The following VPS13D variants were observed in gnomAD, a reference collection of about 807,000 sequenced individuals.
VPS13D encodes vacuolar protein sorting 13 homolog D.
Under a neutral mutation model 461.9 loss-of-function variants are expected in VPS13D, and 187 were observed. The ratio of observed to expected loss-of-function variants is 0.40; its 90% CI spans 0.36 to 0.46. VPS13D has a LOEUF of 0.46. VPS13D is among the 20% of genes least tolerant of loss of function. VPS13D has a pLI of 0.60. For synonymous variants in VPS13D, 1,951 were observed against 1,986.3 expected, an observed-to-expected ratio of 0.98 and a Z score of 0.47; for missense variants, 4,711 against 5,364.9, an observed-to-expected ratio of 0.88 and a Z score of 3.81.
intron 67 of VPS13D, among the ~76,000 whole-genome samples, chr1:12,461,797 G>A (rs1381911522): frequency 6.6e-6 from 1 of 152,180 alleles, no homozygotes; most frequent in Admixed American, 6.5e-5. Flanking sequence ...TTTTAAAGAT[G>A]ATTTTGTGCT....
At chr1:12,492,986 C>G (rs1410225101) in intron 67 of VPS13D, among the ~76,000 whole-genome samples, 1 of 150,878 alleles carries the variant, frequency 6.6e-6, no homozygotes. Flanking sequence ...ACACAAGATT[C>G]AGAACAGCGG....
At position 12,283,239 on chromosome 1, in the gene VPS13D, G is replaced by A. The variant is rs267597961; in HGVS notation, c.5137G>A (p.Val1713Met). ...KEYLSQSCPS[V>M]SNVEYPDMPR... Reference sequence around the variant, plus strand: ...ATACCTTTCTCAGTCTTGCCCCTCAGTGTCCAATGTGGAATATCCTGATAT... The same window carrying A: ...ATACCTTTCTCAGTCTTGCCCCTCAATGTCCAATGTGGAATATCCTGATAT... The change falls in exon 21 of 70, where the codon GTG becomes ATG. Residue 1713 changes from valine to methionine, a missense_variant. Around this residue, in one of 3 missense-constraint regions of VPS13D, gnomAD observed 4,411 missense variants for 4,937.8 expected, o/e 0.89. Coordinates refer to ENST00000620676, the MANE Select transcript of VPS13D (RefSeq NM_015378.4). 2.0e-5 allele frequency: 32 copies of A among 1,614,114 alleles called. No homozygotes were observed. The highest frequency in any genetic ancestry group is 2.7e-5 in the Non-Finnish European group (32 of 1,180,030).
At chr1:12,260,631 A>T in intron 10 of VPS13D, 62 bp from the exon 11 acceptor site, 1 of 1,401,560 alleles carries the variant, frequency 7.1e-7, no homozygotes. Context: ...GAGGGTGTCC[A>T]GTGTCTCTGG....
intron 2 of VPS13D, among the ~76,000 whole-genome samples, chr1:12,238,705 C>T (rs1000356708): frequency 1.3e-5 from 2 of 150,848 alleles, no homozygotes; most frequent in African/African-American, 4.9e-5. Flanking sequence ...GATCATAGCT[C>T]CCTGCAGCCT....
intron 46 of VPS13D, among the ~76,000 whole-genome samples, chr1:12,350,673 TAAAG>T: frequency 1.3e-5 from 2 of 152,230 alleles, no homozygotes; most frequent in South Asian, 4.2e-4. Flanking sequence ...AGAAGTTAGT[TAAAG>T]AACAGCAAAT....
chr1:12,402,256 A>G (rs1299247939), intron 62 of VPS13D, among the ~76,000 whole-genome samples: 1 of 152,218 alleles, frequency 6.6e-6, no homozygotes, highest in African/African-American at 2.4e-5. Context: ...AAGATAAGCT[A>G]TTGAAAAGCC....
At chr1:12,358,319 G>A in intron 49 of VPS13D, 140 bp from the exon 50 acceptor site, 2 of 1,154,808 alleles carry the variant, frequency 1.7e-6, no homozygotes, top group Non-Finnish European at 2.4e-6. Context: ...CTGTGCTAGG[G>A]AATCACATGA....
At chr1:12,249,857 A>C (rs170956) in intron 6 of VPS13D, among the ~76,000 whole-genome samples, 1 of 152,178 alleles carries the variant, frequency 6.6e-6, no homozygotes, top group East Asian at 1.9e-4. Flanking sequence ...AGTTCTCCAC[A>C]TATCAACTCA....
chr1:12,389,934 G>GTAATTC (rs1280825134), intron 60 of VPS13D, among the ~76,000 whole-genome samples: 1 of 152,224 alleles, frequency 6.6e-6, no homozygotes, highest in African/African-American at 2.4e-5. Flanking sequence ...TTGTGGAGTA[G>GTAATTC]TAGACTGATT....
At chr1:12,483,775 G>A (rs1281846080) in intron 67 of VPS13D, among the ~76,000 whole-genome samples, 4 of 151,900 alleles carry the variant, frequency 2.6e-5, no homozygotes, top group South Asian at 4.2e-4. Flanking sequence ...CGAGGTGGGC[G>A]GATCACGAGG....
intron 23 of VPS13D, 62 bp downstream of exon 23, chr1:12,291,186 T>G (rs1642122282): frequency 1.3e-6 from 2 of 1,562,914 alleles, no homozygotes; most frequent in African/African-American, 2.7e-5. Context: ...TTTCAGATTC[T>G]TGTTGGCTAG....
In VPS13D at chr1:12,260,786, C is replaced by G. The variant is rs1641083188; in HGVS notation, c.1204C>G (p.Leu402Val). ...TGATCGATTTCACAAACAGGAAGAA[C>G]TAGCAGAGGTAAGAAATCCTCTACA... The part of the protein sequence containing the change: ...VHDRFHKQEE[L>V]AESLREPQFD... The change falls in exon 11 of 70, where the codon CTA (leucine) becomes GTA (valine). Residue 402 changes from leucine (L) to valine (V), a missense_variant. By Grantham distance (32) the Leu-to-Val change is conservative. Coordinates refer to ENST00000620676, the MANE Select transcript of VPS13D (RefSeq NM_015378.4). The G allele has an allele frequency of 1.2e-6, 2 of 1,614,142 alleles. No individual in the cohort carries two copies. The highest frequency in any genetic ancestry group is 2.2e-5 in the South Asian group (2 of 91,082).
At chr1:12,292,262 C>CAAAAAAAAAAAAA (rs766212937) in intron 23 of VPS13D, among the ~76,000 whole-genome samples, 1 of 12,248 alleles carries the variant, frequency 8.2e-5, no homozygotes, top group Non-Finnish European at 1.4e-4. Flanking sequence ...AACTCCATCT[C>CAAAAAAAAAAAAA]AAAAAAAAAA....
chr1:12,331,940 TTGTG>T (rs943954670), intron 37 of VPS13D, among the ~76,000 whole-genome samples: 1 of 152,176 alleles, frequency 6.6e-6, no homozygotes, highest in Non-Finnish European at 1.5e-5. Flanking sequence ...CAGTGGCTGA[TTGTG>T]TGAGTCTATT....
intron 1 of VPS13D, among the ~76,000 whole-genome samples, chr1:12,231,948 TC>T (rs1329764317): frequency 6.6e-6 from 1 of 152,076 alleles, no homozygotes; most frequent in Admixed American, 6.6e-5. Flanking sequence ...AGATCCGAGA[TC>T]CCGTCACTGC....
chr1:12,285,074 A>G (rs989484077), intron 21 of VPS13D, among the ~76,000 whole-genome samples: 1 of 152,186 alleles, frequency 6.6e-6, no homozygotes, highest in South Asian at 2.1e-4. Context: ...TGGTTCTACA[A>G]GGGAATAGGA....
intron 35 of VPS13D, 86 bp downstream of exon 35, chr1:12,323,866 T>G: frequency 7.1e-7 from 1 of 1,399,342 alleles, no homozygotes; most frequent in Non-Finnish European, 1.0e-6. Context: ...ACAAGGTGAC[T>G]TAGAGAGCTG....
chr1:12,308,658 T>C lies in VPS13D; in HGVS notation c.6650+17T>C. ...TTTGGACAAGTGAGTGTTTTTTTTTTTTTTTGAGATGGAGTCTCGCTCTGT... is the reference window on the plus strand; with the variant it reads ...TTTGGACAAGTGAGTGTTTTTTTTTCTTTTTGAGATGGAGTCTCGCTCTGT... On this transcript the variant is annotated intron_variant, in intron 27 of 69. Transcript: ENST00000620676. The C allele has an allele frequency of 6.2e-7, 1 of 1,611,906 alleles. No homozygotes were observed. The highest frequency in any genetic ancestry group is 8.5e-7 in the Non-Finnish European group (1 of 1,179,246).
At chr1:12,388,898 G>A (rs1385444765) in intron 60 of VPS13D, among the ~76,000 whole-genome samples, 2 of 152,178 alleles carry the variant, frequency 1.3e-5, no homozygotes, top group East Asian at 3.8e-4. Context: ...AAATGAGAAT[G>A]ACTAGATTAA....
Sources: allele counts gnomAD v4.1 joint callset (sites outside exome capture counted in the v4.1 genomes callset), GRCh38; gene constraint gnomAD v4.1.1; regional missense constraint gnomAD v4.1.1; transcripts MANE v1.5; gene names NCBI Gene and HGNC (gene_info 2026-07-23, HGNC 2026-07-21).